The following PARD3B variants were observed in gnomAD, a reference collection of about 807,000 sequenced individuals.
The protein encoded by PARD3B is partitioning defective 3 homolog B.
In PARD3B, 103 loss-of-function variants were observed where a neutral mutation model predicts 130.2. The ratio of observed to expected loss-of-function variants is 0.79; its 90% CI spans 0.67 to 0.93. PARD3B has a LOEUF of 0.93. PARD3B is among the 40% of genes least tolerant of loss of function. The pLI is 0.00. For synonymous variants in PARD3B, 583 were observed against 553.2 expected, an observed-to-expected ratio of 1.05 and a Z score of -0.76; for missense variants, 1,609 against 1,499.2, an observed-to-expected ratio of 1.07 and a Z score of -1.21.
intron 15 of PARD3B, among the ~76,000 whole-genome samples, chr2:205,232,362 G>C (rs2038881180): frequency 6.6e-6 from 1 of 152,162 alleles, no homozygotes; most frequent in East Asian, 1.9e-4. Flanking sequence ...TTGAGGCCAG[G>C]AGTTCAAGGT....
intron 2 of PARD3B, among the ~76,000 whole-genome samples, chr2:204,761,700 T>A (rs1336689038): frequency 6.6e-6 from 1 of 152,188 alleles, no homozygotes; most frequent in African/African-American, 2.4e-5. Flanking sequence ...TAAAAATCTT[T>A]GCTTAGAAAG....
intron 15 of PARD3B, among the ~76,000 whole-genome samples, chr2:205,215,667 C>T (rs1188839018): frequency 1.3e-5 from 2 of 151,980 alleles, no homozygotes; most frequent in Non-Finnish European, 2.9e-5. Flanking sequence ...TGGTACAGAA[C>T]ATGCTTGTTG....
intron 1 of PARD3B, among the ~76,000 whole-genome samples, chr2:204,651,362 G>A (rs2335634): frequency 0.8 from 122,309 of 152,226 alleles, 49,446 homozygotes; most frequent in Middle Eastern, 0.92. Flanking sequence ...GAAAGGGGCT[G>A]TTGGCCCCAT....
chr2:205,454,949 A>G (rs554178315), intron 20 of PARD3B, among the ~76,000 whole-genome samples: 2 of 152,072 alleles, frequency 1.3e-5, no homozygotes, highest in South Asian at 2.1e-4. Context: ...CCCTTAAACT[A>G]CCCTTTAAGC....
intron 2 of PARD3B, among the ~76,000 whole-genome samples, chr2:204,852,643 C>G (rs1180620740): frequency 1.3e-5 from 2 of 150,594 alleles, no homozygotes; most frequent in Non-Finnish European, 2.9e-5. Context: ...TGCCTTTGGT[C>G]TCAGTCTTAA....
intron 2 of PARD3B, among the ~76,000 whole-genome samples, chr2:204,913,830 A>G (rs1308599686): frequency 6.6e-6 from 1 of 152,206 alleles, no homozygotes; most frequent in Non-Finnish European, 1.5e-5. Context: ...AGTTGTTAAG[A>G]CAGAAATAAT....
At chr2:205,542,590 A>C (rs2052204996) in intron 21 of PARD3B, among the ~76,000 whole-genome samples, 1 of 152,164 alleles carries the variant, frequency 6.6e-6, no homozygotes, top group African/African-American at 2.4e-5. Context: ...TGATTCCAGC[A>C]TGAATGGTAG....
intron 2 of PARD3B, among the ~76,000 whole-genome samples, chr2:204,746,233 T>A (rs1354182666): frequency 1.3e-5 from 2 of 150,290 alleles, no homozygotes; most frequent in African/African-American, 4.9e-5. Context: ...CATGCAGTGT[T>A]TGTTTTTTTG....
chr2:205,474,823 C>G (rs78481429), intron 20 of PARD3B, among the ~76,000 whole-genome samples: 20,580 of 152,058 alleles, frequency 0.14, 2,574 homozygotes, highest in African/African-American at 0.33. Flanking sequence ...CCTTCCTTTA[C>G]CCTTTACTAA....
At chr2:205,377,569 A>C (rs953054527) in intron 18 of PARD3B, among the ~76,000 whole-genome samples, 1 of 152,004 alleles carries the variant, frequency 6.6e-6, no homozygotes, top group African/African-American at 2.4e-5. Context: ...ATACTCAAAG[A>C]TAAGAGGCTC....
At chr2:205,169,556 G>T (rs951376419) in intron 11 of PARD3B, among the ~76,000 whole-genome samples, 5 of 152,294 alleles carry the variant, frequency 3.3e-5, no homozygotes, top group Admixed American at 2.0e-4. Context: ...GAGATTACCA[G>T]GTGGGATCTC....
chr2:204,966,671 G>C (rs1415330924), intron 3 of PARD3B, among the ~76,000 whole-genome samples: 1 of 151,828 alleles, frequency 6.6e-6, no homozygotes, highest in African/African-American at 2.4e-5. Flanking sequence ...GCTTTGTCAG[G>C]GAAAAAAGAT....
At chr2:205,411,992 T>C (rs77420614) in intron 19 of PARD3B, among the ~76,000 whole-genome samples, 4 of 152,220 alleles carry the variant, frequency 2.6e-5, no homozygotes, top group African/African-American at 7.2e-5. Flanking sequence ...ATTCACAAAA[T>C]TCTCATATTT....
chr2:204,797,449 G>A (rs2042414900), intron 2 of PARD3B, among the ~76,000 whole-genome samples: 1 of 152,078 alleles, frequency 6.6e-6, no homozygotes, highest in Non-Finnish European at 1.5e-5. Flanking sequence ...GTATCATGAG[G>A]AGCTAAACAT....
intron 10 of PARD3B, among the ~76,000 whole-genome samples, chr2:205,133,535 G>A (rs976537729): frequency 1.3e-5 from 2 of 152,226 alleles, no homozygotes; most frequent in African/African-American, 2.4e-5. Flanking sequence ...CATTGGAATA[G>A]TGGTTTCATT....
At chr2:205,086,622 T>C (rs1250681141) in intron 4 of PARD3B, among the ~76,000 whole-genome samples, 2 of 152,186 alleles carry the variant, frequency 1.3e-5, no homozygotes, top group Non-Finnish European at 2.9e-5. Flanking sequence ...TGCTACTTTA[T>C]ACGTTTCATG....
intron 2 of PARD3B, among the ~76,000 whole-genome samples, chr2:204,845,253 T>C (rs1323430834): frequency 6.6e-6 from 1 of 152,128 alleles, no homozygotes; most frequent in African/African-American, 2.4e-5. Context: ...TGACTTGAAG[T>C]AGGAAGATGA....
chr2:205,156,661 C>T (rs888729715), intron 10 of PARD3B, among the ~76,000 whole-genome samples: 2 of 152,084 alleles, frequency 1.3e-5, no homozygotes, highest in African/African-American at 4.8e-5. Context: ...ACCTCAGTTT[C>T]CTCATCTGTG....
At chr2:204,728,805 T>C (rs1441896907) in intron 2 of PARD3B, among the ~76,000 whole-genome samples, 2 of 152,202 alleles carry the variant, frequency 1.3e-5, no homozygotes, top group Non-Finnish European at 2.9e-5. Context: ...TTTTCAGTTG[T>C]CTTTTCTTCT....
Sources: allele counts gnomAD v4.1 joint callset (sites outside exome capture counted in the v4.1 genomes callset), GRCh38; gene constraint gnomAD v4.1.1; transcripts MANE v1.5; gene names NCBI Gene and HGNC (gene_info 2026-07-23, HGNC 2026-07-21).